RALYL: variants seen among roughly 807,000 people sequenced by gnomAD.
The protein encoded by RALYL is RALY RNA binding protein like, also known as RNA-binding Raly-like protein.
RALYL carries 29 observed loss-of-function variants against 35.1 expected under a neutral mutation model. The ratio of observed to expected loss-of-function variants is 0.83; its 90% confidence interval spans 0.61 to 1.13. The LOEUF is 1.13. Ranked by LOEUF, RALYL falls within the 50% of genes most tolerant of loss-of-function variation. The pLI, the probability that RALYL is intolerant of heterozygous loss-of-function variation, is 0.00. For missense variants in RALYL, 359 were observed against 360.4 expected (o/e 1.00, Z 0.03); for synonymous variants, 120 against 127.6 (o/e 0.94, Z 0.40).
chr8:84,507,830 T>C (rs2057302814), intron 1 of RALYL, among the ~76,000 whole-genome samples: 1 of 152,180 alleles, frequency 6.6e-6, no homozygotes, highest in Non-Finnish European at 1.5e-5. Flanking sequence ...CTGAGGACAG[T>C]ACATTTCACA....
intron 1 of RALYL, among the ~76,000 whole-genome samples, chr8:84,223,081 G>GCCTTTCCTTTCCTTTCCTTTCCTTT (rs767992068): frequency 9.5e-5 from 5 of 52,796 alleles, no homozygotes; most frequent in African/African-American, 2.1e-4. Context: ...CCTTTGCCCT[G>GCCTTTCCTTTCCTTTCCTTTCCTTT]CCTTTCCTTT....
At chr8:84,811,417 C>G (rs1455939255) in intron 4 of RALYL, among the ~76,000 whole-genome samples, 4 of 152,170 alleles carry the variant, frequency 2.6e-5, no homozygotes, top group African/African-American at 9.7e-5. Context: ...TTGTAGGTTA[C>G]CTGGTGCTTC....
intron 1 of RALYL, among the ~76,000 whole-genome samples, chr8:84,207,901 GA>G (rs999757366): frequency 1.7e-4 from 26 of 151,608 alleles, no homozygotes; most frequent in Non-Finnish European, 2.4e-4. Flanking sequence ...CTCGATTAGG[GA>G]AAAAAAGTTT....
At chr8:84,425,783 C>CTGTGTGTGTGTGTGTG (rs1554662152) in intron 1 of RALYL, among the ~76,000 whole-genome samples, 1 of 144,508 alleles carries the variant, frequency 6.9e-6, no homozygotes. Context: ...AGTTTTTCTT[C>CTGTGTGTGTGTGTGTG]TGTGTGTGTG....
At chr8:84,873,140 T>TA (rs769119764) in intron 6 of RALYL, 144 bp from the exon 7 acceptor site, 3 of 487,814 alleles carry the variant, frequency 6.1e-6, no homozygotes, top group Non-Finnish European at 1.1e-5. Context: ...TCACTAGAAG[T>TA]AATGTGAAGT....
chr8:84,273,492 C>G (rs145005357), intron 1 of RALYL, among the ~76,000 whole-genome samples: 2,894 of 152,358 alleles, frequency 0.019, 43 homozygotes, highest in Non-Finnish European at 0.031. Context: ...CTGCCACATA[C>G]TTTTCAACAG....
At chr8:84,912,363 A>G (rs1847654509) in intron 8 of RALYL, among the ~76,000 whole-genome samples, 1 of 152,078 alleles carries the variant, frequency 6.6e-6, no homozygotes, top group African/African-American at 2.4e-5. Context: ...AAGACCAAAA[A>G]TATATATTCC....
intron 7 of RALYL, among the ~76,000 whole-genome samples, chr8:84,885,820 G>T (rs549637861): frequency 6.6e-6 from 1 of 152,216 alleles, no homozygotes; most frequent in Non-Finnish European, 1.5e-5. Flanking sequence ...TAAGTTTACT[G>T]TTGTTGTTAT....
intron 2 of RALYL, among the ~76,000 whole-genome samples, chr8:84,740,145 A>G (rs1043430878): frequency 1.3e-5 from 2 of 151,958 alleles, no homozygotes; most frequent in Non-Finnish European, 2.9e-5. Flanking sequence ...GTCTTTAAGG[A>G]AGGAAGGCAA....
At chr8:84,498,980 C>G (rs1400191134) in intron 1 of RALYL, among the ~76,000 whole-genome samples, 1 of 151,898 alleles carries the variant, frequency 6.6e-6, no homozygotes, top group African/African-American at 2.4e-5. Flanking sequence ...GGAAGTTATT[C>G]CCTTGGATAA....
chr8:84,752,067 G>C (rs565465806), intron 2 of RALYL, among the ~76,000 whole-genome samples: 2 of 152,276 alleles, frequency 1.3e-5, no homozygotes, highest in African/African-American at 4.8e-5. Flanking sequence ...CTAGAGACTT[G>C]TCATATCACT....
rs1838798399 is a variant in RALYL at position 84,694,787 on chromosome 8, AT to A, written c.257-79791del. 2.0e-5 allele frequency among the ~76,000 whole-genome samples: 3 copies of A among 151,826 alleles called. No homozygotes were observed. In the South Asian group the frequency reaches 6.2e-4, roughly 31 times the overall value. On this transcript the variant is annotated intron_variant, in intron 2 of 8. Coordinates refer to ENST00000521268, the MANE Select transcript of RALYL (RefSeq NM_173848.7). ...TGCCAATAAATTATTGTCTTATGAT[AT>A]GTTCTAATCTAACCAGAAACACCGG...
At chr8:84,477,389 AATAT>A (rs2053548128) in intron 1 of RALYL, among the ~76,000 whole-genome samples, 1 of 149,688 alleles carries the variant, frequency 6.7e-6, no homozygotes, top group Non-Finnish European at 1.5e-5. Flanking sequence ...TGTACATATA[AATAT>A]ATATTTATTT....
At chr8:84,598,054 C>T (rs1009366904) in intron 2 of RALYL, among the ~76,000 whole-genome samples, 2 of 152,162 alleles carry the variant, frequency 1.3e-5, no homozygotes, top group East Asian at 3.9e-4. Context: ...TTCTCTCCAG[C>T]CTCACCCTTG....
rs545799722 is a variant in RALYL, at chr8:84,311,003, C to T, written c.-24+126579C>T. Among the ~76,000 whole-genome samples the T allele has an allele frequency of 7.9e-3, 908 of 115,644 alleles. 12 individuals are homozygous for T. The highest frequency in any genetic ancestry group is 0.033 in the Middle Eastern group (7 of 210). 75.9% of individuals were successfully genotyped at this position (115,644 alleles called of 152,430 possible). ...CGGAGCTTGCAGTGAGCCGAGATTG[C>T]GCCACTGCAGTCCGCAGTCCGACCT... On this transcript the variant is annotated intron_variant, in intron 1 of 8. Transcript: ENST00000521268.
At chr8:84,856,658 G>T (rs1402172988) in intron 5 of RALYL, among the ~76,000 whole-genome samples, 1 of 152,220 alleles carries the variant, frequency 6.6e-6, no homozygotes, top group East Asian at 1.9e-4. Context: ...TGAAGTCAGA[G>T]TAGAAATTAT....
intron 4 of RALYL, among the ~76,000 whole-genome samples, chr8:84,806,202 A>C (rs898028361): frequency 6.6e-6 from 1 of 152,226 alleles, no homozygotes; most frequent in African/African-American, 2.4e-5. Flanking sequence ...GAATATATGC[A>C]TTTATTTGAA....
chr8:84,590,261 C>T (rs1265058330), intron 2 of RALYL, among the ~76,000 whole-genome samples: 1 of 152,188 alleles, frequency 6.6e-6, no homozygotes, highest in Non-Finnish European at 1.5e-5. Flanking sequence ...AAAGCTTCCA[C>T]ATAATTATTG....
intron 1 of RALYL, among the ~76,000 whole-genome samples, chr8:84,303,575 T>A (rs1469029716): frequency 6.6e-6 from 1 of 152,174 alleles, no homozygotes; most frequent in Non-Finnish European, 1.5e-5. Flanking sequence ...GATGTAGGTA[T>A]TTAGGAGTCT....
Sources: gnomAD v4.1 joint callset for allele counts (sites outside exome capture counted in the v4.1 genomes callset) on GRCh38, gnomAD v4.1.1 for gene constraint, MANE v1.5 for transcripts, NCBI Gene and HGNC (gene_info 2026-07-23, HGNC 2026-07-21) for gene names.